Variants in SMAD4 observed in about 807,000 individuals in gnomAD.
The protein encoded by SMAD4 is SMAD family member 4.
In SMAD4, 7 loss-of-function variants were observed where a neutral mutation model predicts 63.2. The ratio of observed to expected loss-of-function variants is 0.11; its 90% confidence interval spans 0.06 to 0.21. The LOEUF (loss-of-function observed/expected upper bound fraction) is 0.21. Among genes scored for constraint, SMAD4 ranks in the 10% least tolerant of loss-of-function variants. The pLI is 1.00. For missense variants in SMAD4, 312 were observed against 693.8 expected, an observed-to-expected ratio of 0.45 and a Z score of 6.18; for synonymous variants, 215 against 235.4, an observed-to-expected ratio of 0.91 and a Z score of 0.79.
chr18:51,034,816 GA>G (rs1909157661), intron 1 of SMAD4, among the ~76,000 whole-genome samples: 1 of 152,128 alleles, frequency 6.6e-6, no homozygotes, highest in Admixed American at 6.6e-5. Context: ...AAAGTGCTGG[GA>G]TTAAAGGCAT....
chr18:51,066,149 C>T (rs190467128), intron 9 of SMAD4, among the ~76,000 whole-genome samples: 75 of 152,008 alleles, frequency 4.9e-4, no homozygotes, highest in Non-Finnish European at 9.0e-4. Context: ...GTCAGGAGTT[C>T]GAGACCAGCC....
At chr18:51,049,688 T>G (rs1460478149) in intron 4 of SMAD4, 1 of 231,260 alleles carries the variant, frequency 4.3e-6, no homozygotes, top group Non-Finnish European at 8.6e-6. Flanking sequence ...TATTTGGTAA[T>G]TTGGAATCAC....
chr18:51,083,039 G>A lies in SMAD4; in HGVS notation c.*4572G>A, dbSNP rs542263546. On this transcript the variant is annotated 3_prime_UTR_variant, in exon 12 of 12. Transcript: ENST00000342988. The stretch of plus-strand genomic sequence containing the variant: ...GCTTCCTGATTCTTGCTGAGTTTCA[G>A]GTAGTTGAGATAGAGAGAAGTGAGT... 1.2e-4 allele frequency: 28 copies of A among 225,652 alleles called. No homozygotes were observed. The highest frequency in any genetic ancestry group is 5.3e-4 in the African/African-American group (24 of 45,036). The allele number at this position is 225,652 out of a possible 1,614,324, so 14.0% of individuals were successfully genotyped here.
intron 1 of SMAD4, among the ~76,000 whole-genome samples, chr18:51,041,311 T>C (rs1045736847): frequency 6.6e-6 from 1 of 152,206 alleles, no homozygotes; most frequent in Non-Finnish European, 1.5e-5. Context: ...TCGTATGTGG[T>C]AATCCATTAA....
chr18:51,084,043 CAG>C lies in SMAD4; in HGVS notation c.*5577_*5578del, dbSNP rs1491029931. The C allele has an allele frequency of 2.0e-4, 45 of 226,690 alleles. No individual in the cohort carries two copies. The highest frequency in any genetic ancestry group is 2.7e-4 in the Non-Finnish European group (31 of 115,472). 14.0% of individuals were successfully genotyped at this position (226,690 alleles called of 1,614,324 possible). A position where few individuals can be genotyped will look rare whatever the true frequency, so the allele number is the denominator to read the frequency against. On this transcript the variant is annotated 3_prime_UTR_variant, in exon 12 of 12. Transcript: ENST00000342988. ...ACACACACACACACACACACACACA[CAG>C]GTCAGAGTTTAAGGCTTTCGAGTCA... is the stretch of plus-strand genomic sequence containing the variant.
In SMAD4 at chr18:51,084,860, C is replaced by G. The variant is rs971518876; in HGVS notation, c.*6393C>G. The G allele has an allele frequency of 8.9e-6, 2 of 225,496 alleles. No individual in the cohort carries two copies. Among genetic ancestry groups the G allele is most frequent in the Admixed American group, 5.7e-5 (1 of 17,484 alleles). The allele number at this position is 225,496 out of a possible 1,614,324, so 14.0% of individuals were successfully genotyped here. A position where few individuals can be genotyped will look rare whatever the true frequency, so the allele number is the denominator to read the frequency against. On this transcript the variant is annotated 3_prime_UTR_variant, in exon 12 of 12. Transcript: ENST00000342988. Reference sequence around the variant, plus strand: ...AGAGGAATGCAGCTATGCCAGAAGCCAGAGAAGAGCCACTCGTAGCTTCTG... The same window carrying G: ...AGAGGAATGCAGCTATGCCAGAAGCGAGAGAAGAGCCACTCGTAGCTTCTG...
chr18:51,076,097 T>G (rs187400048), intron 10 of SMAD4, among the ~76,000 whole-genome samples: 5 of 152,324 alleles, frequency 3.3e-5, no homozygotes, highest in African/African-American at 1.2e-4. Flanking sequence ...TTGTTGTTGT[T>G]TCTTAAGTAT....
chr18:51,071,260 G>GCA, intron 10 of SMAD4, among the ~76,000 whole-genome samples: 1 of 151,674 alleles, frequency 6.6e-6, no homozygotes, highest in African/African-American at 2.4e-5. Flanking sequence ...ATGTGTGCAT[G>GCA]CACATACACA....
chr18:51,051,080 T>C (rs892948285), intron 4 of SMAD4: 5 of 159,976 alleles, frequency 3.1e-5, no homozygotes, highest in Non-Finnish European at 6.8e-5. Context: ...CCATCCATGT[T>C]TTTGGAGAAA....
At chr18:51,069,802 T>C (rs1025206712) in intron 10 of SMAD4, among the ~76,000 whole-genome samples, 4 of 152,212 alleles carry the variant, frequency 2.6e-5, no homozygotes, top group African/African-American at 9.6e-5. Context: ...GGTGCCCACT[T>C]GTAGCCCCCA....
At chr18:51,059,101 T>C (rs1909931167) in intron 7 of SMAD4, among the ~76,000 whole-genome samples, 1 of 152,220 alleles carries the variant, frequency 6.6e-6, no homozygotes, top group Non-Finnish European at 1.5e-5. Flanking sequence ...CAGCCACTTC[T>C]AATATTTTGT....
intron 9 of SMAD4, among the ~76,000 whole-genome samples, chr18:51,066,366 T>A (rs1371844370): frequency 1.3e-5 from 2 of 151,874 alleles, no homozygotes; most frequent in East Asian, 3.9e-4. Context: ...AAAAAAAGTT[T>A]ATATAATGAA....
At chr18:51,045,205 C>G (rs1339301573) in intron 1 of SMAD4, among the ~76,000 whole-genome samples, 1 of 152,190 alleles carries the variant, frequency 6.6e-6, no homozygotes, top group Non-Finnish European at 1.5e-5. Context: ...TTTTGCAAAG[C>G]TTCCCAAGGC....
At chr18:51,048,942 T>C in intron 3 of SMAD4, 82 bp downstream of exon 3, 5 of 1,294,478 alleles carry the variant, frequency 3.9e-6, no homozygotes, top group Admixed American at 1.7e-5. Context: ...AGTTAAATTA[T>C]AAATTTGGAA....
intron 5 of SMAD4, 98 bp downstream of exon 5, chr18:51,055,091 A>G (rs1410040328): frequency 2.3e-6 from 2 of 882,016 alleles, no homozygotes; most frequent in African/African-American, 1.6e-5. Context: ...GTAAGTAAAC[A>G]TTAAAAGTAA....
At chr18:51,033,252 C>T (rs926356418) in intron 1 of SMAD4, among the ~76,000 whole-genome samples, 3 of 143,708 alleles carry the variant, frequency 2.1e-5, no homozygotes, top group Non-Finnish European at 4.5e-5. Context: ...TGCAGAGGCG[C>T]GATCTCCACT....
chr18:51,052,364 A>G (rs1188133766), intron 4 of SMAD4: 1 of 152,718 alleles, frequency 6.5e-6, no homozygotes, highest in Admixed American at 6.5e-5. Context: ...GAGCCGGAGT[A>G]ATGTGTGCTT....
intron 10 of SMAD4, among the ~76,000 whole-genome samples, chr18:51,075,716 C>T (rs960697588): frequency 6.6e-5 from 10 of 152,074 alleles, no homozygotes; most frequent in Non-Finnish European, 1.5e-4. Context: ...TATGGCAACC[C>T]CTTCCTTACT....
intron 2 of SMAD4, 63 bp from the exon 3 acceptor site, chr18:51,048,623 C>G (rs2144404754): frequency 7.1e-7 from 1 of 1,406,520 alleles, no homozygotes; most frequent in Non-Finnish European, 1.0e-6. Context: ...AGGATTAAAT[C>G]AGAATATATA....
Sources: allele counts gnomAD v4.1 joint callset (sites outside exome capture counted in the v4.1 genomes callset), GRCh38; gene constraint gnomAD v4.1.1; transcripts MANE v1.5; gene names NCBI Gene and HGNC (gene_info 2026-07-23, HGNC 2026-07-21).